SNAP23: variants seen among roughly 807,000 people sequenced by gnomAD.
SNAP23 encodes synaptosomal-associated protein 23.
SNAP23 carries 11 observed loss-of-function variants against 29.0 expected under a neutral mutation model. The observed-to-expected ratio is 0.38, with a 90% CI of 0.24 to 0.63. The LOEUF (loss-of-function observed/expected upper bound fraction) is 0.63, where lower values mean the gene tolerates loss of function less well. Ranked by LOEUF, SNAP23 falls within the 20% of genes least tolerant of loss-of-function variation. The probability of loss-of-function intolerance (pLI) is 0.58; values close to 1 mark genes in which losing one functional copy is unlikely to be tolerated. For missense variants in SNAP23, 220 were observed against 253.9 expected (o/e 0.87, Z 0.91); for synonymous variants, 60 against 82.9 (o/e 0.72, Z 1.50).
In SNAP23 at chr15:42,513,379, C is replaced by G. The variant is rs1189618931; in HGVS notation, c.100-20C>G. On this transcript the variant is annotated intron_variant, in intron 3 of 7. Coordinates refer to ENST00000249647, the MANE Select transcript of SNAP23 (RefSeq NM_003825.4). ...TTGGTTTGTTTTGTTGTACTATCAG[C>G]TTTTCCCCCCTTGTCTTAGTCTCAG... 6.2e-7 allele frequency: 1 copy of G among 1,611,678 alleles called. No individual in the cohort carries two copies. The highest frequency in any genetic ancestry group is 1.1e-5 in the South Asian group (1 of 91,044).
At chr15:42,519,457 C>T (rs1048129630) in intron 5 of SNAP23, among the ~76,000 whole-genome samples, 4 of 151,548 alleles carry the variant, frequency 2.6e-5, no homozygotes, top group Non-Finnish European at 5.9e-5. Context: ...CTGCAACCTT[C>T]GCTTCCTGGG....
At chr15:42,517,067 G>A (rs2057402852) in intron 5 of SNAP23, among the ~76,000 whole-genome samples, 1 of 152,128 alleles carries the variant, frequency 6.6e-6, no homozygotes, top group Non-Finnish European at 1.5e-5. Context: ...TTACAAATAT[G>A]TGCCACCATA....
upstream of SNAP23, chr15:42,495,492 G>C (rs1185350679): frequency 3.3e-5 from 5 of 152,244 alleles, no homozygotes; most frequent in African/African-American, 1.2e-4. Context: ...AAATCTATCC[G>C]GTTAACTAGT....
chr15:42,506,391 C>G lies in SNAP23; in HGVS notation c.-14-5442C>G, dbSNP rs185798186. ...TAGCTGGGACTACAGGCACTGGTCA[C>G]CACACCTGGCTATTTTTGTTGTTAC... On this transcript the variant is annotated intron_variant, in intron 1 of 7. Coordinates refer to ENST00000249647, the MANE Select transcript of SNAP23 (RefSeq NM_003825.4). 2.6e-5 allele frequency among the ~76,000 whole-genome samples: 4 copies of G among 152,292 alleles called. No individual in the cohort carries two copies. In the East Asian group the frequency reaches 7.7e-4, roughly 29 times the overall value.
rs1308168376 is a variant in SNAP23 at position 42,515,255 on chromosome 15, A to C, written c.167A>C (p.Glu56Ala). ...DEQKEQLNRIEEGLDQINKDM... is the reference protein window; with the variant it reads ...DEQKEQLNRIAEGLDQINKDM... Reference sequence around the variant, plus strand: ...TTCTTAGAACAACTAAACCGCATAGAAGAAGGCTTGGACCAAATAAATAAG... The same window carrying C: ...TTCTTAGAACAACTAAACCGCATAGCAGAAGGCTTGGACCAAATAAATAAG... The change falls in exon 5 of 8, where the codon GAA becomes GCA. Residue 56 changes from glutamate (E) to alanine (A), a missense_variant. Transcript: ENST00000249647. 6.2e-7 allele frequency: 1 copy of C among 1,606,382 alleles called. No individual in the cohort carries two copies. The highest frequency in any genetic ancestry group is 1.7e-5 in the Admixed American group (1 of 58,390).
At chr15:42,526,385 T>C (rs1317298962) in intron 5 of SNAP23, among the ~76,000 whole-genome samples, 1 of 152,190 alleles carries the variant, frequency 6.6e-6, no homozygotes, top group African/African-American at 2.4e-5. Flanking sequence ...TTATGATAAC[T>C]TAAAGTGGTA....
chr15:42,523,586 T>C (rs1014760538), intron 5 of SNAP23, among the ~76,000 whole-genome samples: 4 of 152,198 alleles, frequency 2.6e-5, no homozygotes, highest in African/African-American at 9.7e-5. Flanking sequence ...AATGAAAATA[T>C]TTATCCAGTG....
chr15:42,508,327 G>C (rs561972063), intron 1 of SNAP23, among the ~76,000 whole-genome samples: 1 of 151,656 alleles, frequency 6.6e-6, no homozygotes, highest in Non-Finnish European at 1.5e-5. Context: ...CAAAACTCCC[G>C]TCTACAGAGG....
At chr15:42,495,061 A>T (rs568163113), upstream of SNAP23, among the ~76,000 whole-genome samples, 54 of 152,290 alleles carry the variant, frequency 3.5e-4, no homozygotes, top group African/African-American at 1.3e-3. Context: ...GCCTCTAACA[A>T]GGATGAACTA....
intron 1 of SNAP23, among the ~76,000 whole-genome samples, chr15:42,507,930 G>A (rs2057327817): frequency 6.6e-6 from 1 of 152,018 alleles, no homozygotes; most frequent in Non-Finnish European, 1.5e-5. Flanking sequence ...CGTATCAGCA[G>A]GTTCCACATC....
intron 1 of SNAP23, among the ~76,000 whole-genome samples, chr15:42,496,160 G>C (rs569795750): frequency 3.5e-4 from 53 of 152,282 alleles, no homozygotes; most frequent in Middle Eastern, 3.4e-3. Context: ...CAAATTAGAG[G>C]ATCAGGAAAA....
At chr15:42,513,499 C>T in intron 4 of SNAP23, 52 bp downstream of exon 4, 1 of 1,470,928 alleles carries the variant, frequency 6.8e-7, no homozygotes, top group Non-Finnish European at 9.5e-7. Flanking sequence ...TGCCAAAAAG[C>T]CCTATCAAAT....
intron 1 of SNAP23, among the ~76,000 whole-genome samples, chr15:42,508,191 G>T (rs975718417): frequency 6.0e-5 from 9 of 151,136 alleles, no homozygotes; most frequent in Non-Finnish European, 1.0e-4. Context: ...TTGAGCCTGG[G>T]AGGGCAAGGC....
At chr15:42,508,200 G>T (rs1168462293) in intron 1 of SNAP23, among the ~76,000 whole-genome samples, 1 of 151,134 alleles carries the variant, frequency 6.6e-6, no homozygotes, top group East Asian at 1.9e-4. Flanking sequence ...GGAGGGCAAG[G>T]CTGTAGTGAA....
chr15:42,515,110 C>G (rs2057388021), intron 4 of SNAP23, 127 bp from the exon 5 acceptor site: 1 of 641,470 alleles, frequency 1.6e-6, no homozygotes. Context: ...CCTTTTGACA[C>G]TGACATACTC....
At chr15:42,528,122 G>T in intron 5 of SNAP23, 140 bp from the exon 6 acceptor site, 1 of 652,412 alleles carries the variant, frequency 1.5e-6, no homozygotes, top group East Asian at 2.7e-5. Flanking sequence ...ATGGAGCATA[G>T]TGTAGATCAT....
chr15:42,508,163 G>C (rs752026215), intron 1 of SNAP23, among the ~76,000 whole-genome samples: 6 of 151,492 alleles, frequency 4.0e-5, no homozygotes, highest in African/African-American at 1.2e-4. Flanking sequence ...TATTCAGGGG[G>C]CTAAATGGGA....
intron 1 of SNAP23, chr15:42,505,750 T>G (rs1374670400): frequency 1.3e-5 from 2 of 151,382 alleles, no homozygotes; most frequent in East Asian, 3.9e-4. Context: ...GAGACGGGGT[T>G]TCACCATGTT....
At chr15:42,528,133 C>CGGTGG in intron 5 of SNAP23, 129 bp from the exon 6 acceptor site, 25 of 553,256 alleles carry the variant, frequency 4.5e-5, no homozygotes, top group South Asian at 2.1e-4. Flanking sequence ...TGTAGATCAT[C>CGGTGG]TAGACTTAGC....
Sources: gnomAD v4.1 joint callset for allele counts (sites outside exome capture counted in the v4.1 genomes callset) on GRCh38, gnomAD v4.1.1 for gene constraint, MANE v1.5 for transcripts, NCBI Gene and HGNC (gene_info 2026-07-23, HGNC 2026-07-21) for gene names.